CFLAR: variants seen among roughly 807,000 people sequenced by gnomAD.
CFLAR encodes CASP8 and FADD-like apoptosis regulator.
In CFLAR, 14 loss-of-function variants were observed where a neutral mutation model predicts 51.1. The observed-to-expected ratio is 0.27, with a 90% confidence interval of 0.18 to 0.43. CFLAR has a LOEUF of 0.43. Among genes scored for constraint, CFLAR ranks in the 20% least tolerant of loss-of-function variants. The pLI, the probability that CFLAR is intolerant of heterozygous loss-of-function variation, is 1.00. For missense variants in CFLAR, 390 were observed against 566.5 expected, an observed-to-expected ratio of 0.69 and a Z score of 3.16; for synonymous variants, 210 against 211.6, an observed-to-expected ratio of 0.99 and a Z score of 0.06.
chr2:201,139,086 T>A, intron 4 of CFLAR: 1 of 380,454 alleles, frequency 2.6e-6, no homozygotes, highest in Non-Finnish European at 5.1e-6. Flanking sequence ...TGTTCTGTAC[T>A]AAGAAAAATT....
rs577222894 is a variant in CFLAR, at chr2:201,122,276, T to A, written c.-138+5795T>A. On this transcript the variant is annotated intron_variant, in intron 1 of 9. Coordinates refer to ENST00000309955, the MANE Select transcript of CFLAR (RefSeq NM_003879.7). ...AAAATTTTGCATGGGGGCTTACCCA[T>A]CCTTTTAGAATCACATTGCAAGTCA... Among the ~76,000 whole-genome samples the A allele has an allele frequency of 3.9e-5, 6 of 152,348 alleles. No individual in the cohort carries two copies. The East Asian group carries it at 1.2e-3, about 29-fold the overall frequency.
At chr2:201,147,460 T>TG (rs746300782) in intron 6 of CFLAR, among the ~76,000 whole-genome samples, 5 of 143,206 alleles carry the variant, frequency 3.5e-5, no homozygotes, top group African/African-American at 1.3e-4. Flanking sequence ...ACCTGGGAGG[T>TG]GGAGGTTGCA....
At chr2:201,132,830 G>A (rs2049510428) in intron 2 of CFLAR, 199 bp from the exon 3 acceptor site, 1 of 440,036 alleles carries the variant, frequency 2.3e-6, no homozygotes, top group Non-Finnish European at 4.0e-6. Context: ...AAACGGGCAA[G>A]GACAAGTTCC....
At chr2:201,156,542 A>C (rs910277368) in intron 8 of CFLAR, among the ~76,000 whole-genome samples, 6 of 152,214 alleles carry the variant, frequency 3.9e-5, no homozygotes, top group African/African-American at 1.4e-4. Flanking sequence ...TGTCAAGATA[A>C]ATGTATCCTC....
intron 7 of CFLAR, chr2:201,149,483 ATTATCT>A (rs1940882675): frequency 3.2e-6 from 1 of 310,484 alleles, no homozygotes; most frequent in Admixed American, 4.7e-5. Context: ...TCTTTTTCAA[ATTATCT>A]TTATTCCACA....
chr2:201,119,051 T>TC, intron 1 of CFLAR: 1 of 152,368 alleles, frequency 6.6e-6, no homozygotes, highest in Middle Eastern at 3.4e-3. Flanking sequence ...TCCAGAGGAC[T>TC]CACAACACTC....
In CFLAR at chr2:201,160,823, TCAC is replaced by T. The variant is rs766435468; in HGVS notation, c.1187_1189del (p.His396del). 6.2e-7 allele frequency: 1 copy of T among 1,614,054 alleles called. No individual in the cohort carries two copies. Among genetic ancestry groups the T allele is most frequent in the East Asian group, 2.2e-5 (1 of 44,884 alleles). Reference sequence around the variant, plus strand: ...CTCAGAAGCGAGGGCTGTGCACAGTTCACCGAGAAGCTGACTTCTTCTGGAGCC... The same window carrying T: ...CTCAGAAGCGAGGGCTGTGCACAGTTCGAGAAGCTGACTTCTTCTGGAGCC... On this transcript the variant is annotated inframe_deletion, in exon 9 of 10. Coordinates refer to ENST00000309955, the MANE Select transcript of CFLAR (RefSeq NM_003879.7).
At chr2:201,136,499 A>T in intron 4 of CFLAR, 1 of 1,577,872 alleles carries the variant, frequency 6.3e-7, no homozygotes, top group Non-Finnish European at 8.6e-7. Context: ...CTTGGGTCTC[A>T]TACCTTCCTT....
At chr2:201,137,629 C>CA in intron 4 of CFLAR, 1 of 757,526 alleles carries the variant, frequency 1.3e-6, no homozygotes, top group Non-Finnish European at 2.4e-6. Flanking sequence ...GACCGAAGGA[C>CA]AGACAGGCTG....
At chr2:201,152,942 G>T (rs1156979012) in intron 8 of CFLAR, 1 of 152,288 alleles carries the variant, frequency 6.6e-6, no homozygotes, top group Non-Finnish European at 1.5e-5. Flanking sequence ...TCTGTTTCCT[G>T]CCCCATGGTT....
intron 6 of CFLAR, 60 bp downstream of exon 6, chr2:201,145,492 T>C (rs1939944488): frequency 2.7e-6 from 3 of 1,093,922 alleles, no homozygotes; most frequent in African/African-American, 1.6e-5. Flanking sequence ...CTAGTACAAA[T>C]ATTGCATTTT....
At chr2:201,119,560 T>G (rs1449748140) in intron 1 of CFLAR, among the ~76,000 whole-genome samples, 1 of 151,098 alleles carries the variant, frequency 6.6e-6, no homozygotes, top group African/African-American at 2.4e-5. Flanking sequence ...ACTATCATTA[T>G]TGGAATGCCC....
chr2:201,157,990 T>A (rs1219704127), intron 8 of CFLAR, among the ~76,000 whole-genome samples: 1 of 152,232 alleles, frequency 6.6e-6, no homozygotes, highest in Non-Finnish European at 1.5e-5. Context: ...CCTGCTATTC[T>A]TATTGGCACT....
At chr2:201,129,577 G>T in intron 1 of CFLAR, 152 bp from the exon 2 acceptor site, 2 of 421,236 alleles carry the variant, frequency 4.7e-6, no homozygotes, top group Non-Finnish European at 8.4e-6. Context: ...GTCTACCAAG[G>T]ATCCCTTTCT....
In CFLAR at chr2:201,130,101, T is replaced by C; in HGVS notation, c.236T>C (p.Val79Ala). 1.9e-6 allele frequency: 3 copies of C among 1,550,880 alleles called. No homozygotes were observed. The highest frequency in any genetic ancestry group is 2.2e-5 in the South Asian group (2 of 90,044). ...KRILKMDRKA[V>A]ETHLLRNPHL... The stretch of plus-strand genomic sequence containing the variant: ...ATCTTGAAGATGGACAGAAAAGCTG[T>C]GGAGACCCACCTGCTCAGGAACCCT... Residue 79 changes from valine to alanine, a missense_variant, in exon 2 of 10, where the codon GTG becomes GCG. By Grantham distance (64) the Val-to-Ala change is moderately conservative (BLOSUM62 0). Around this residue, in one of 2 missense-constraint regions of CFLAR, gnomAD observed 103 missense variants for 202.9 expected, o/e 0.51. Coordinates refer to ENST00000309955, the MANE Select transcript of CFLAR (RefSeq NM_003879.7).
rs1344484122 is a variant in CFLAR, at chr2:201,166,866, G to A, written c.*2893G>A. ...CAATGGCAGGCACGCGGCAGGCCGA[G>A]GCGGGAGAATCAGGCAGGGAGGCTG... is the stretch of plus-strand genomic sequence containing the variant. On this transcript the variant is annotated 3_prime_UTR_variant, in exon 10 of 10. Transcript: ENST00000309955. 1.9e-5 allele frequency: 3 copies of A among 155,530 alleles called. No homozygotes were observed. Among genetic ancestry groups the A allele is most frequent in the Non-Finnish European group, 4.2e-5 (3 of 70,738 alleles). 9.6% of individuals were successfully genotyped at this position (155,530 alleles called of 1,614,324 possible).
chr2:201,155,628 T>C (rs533529975), intron 8 of CFLAR, among the ~76,000 whole-genome samples: 1 of 152,138 alleles, frequency 6.6e-6, no homozygotes, highest in Admixed American at 6.5e-5. Flanking sequence ...TTCTGTACTT[T>C]CCTTTTCTTT....
intron 8 of CFLAR, among the ~76,000 whole-genome samples, chr2:201,155,818 T>A (rs993123126): frequency 6.6e-6 from 1 of 152,098 alleles, no homozygotes; most frequent in Non-Finnish European, 1.5e-5. Context: ...AGAGACAGGG[T>A]CTCACTATGT....
chr2:201,138,130 G>A lies in CFLAR; in HGVS notation c.523+2023G>A, dbSNP rs972570647. 10 of 787,528 alleles carry A rather than the reference G, an allele frequency of 1.3e-5. No individual in the cohort carries two copies. Among genetic ancestry groups the A allele is most frequent in the Admixed American group, 8.6e-5 (5 of 58,252 alleles). The allele number at this position is 787,528 out of a possible 1,614,324, so 48.8% of individuals were successfully genotyped here. ...CATCCACACCAGCGTCAATCAGGTT[G>A]TTGGCCTGGGCTGCTGTCACCACGT... On this transcript the variant is annotated intron_variant, in intron 4 of 9. Coordinates refer to ENST00000309955, the MANE Select transcript of CFLAR (RefSeq NM_003879.7). This position sits in a 1 kb window ranked among gnomAD's most constrained non-coding sequence, Gnocchi z 4.0.
Sources: gnomAD v4.1 joint callset for allele counts (sites outside exome capture counted in the v4.1 genomes callset) on GRCh38, gnomAD v4.1.1 for gene constraint, gnomAD v4.1.1 regional missense constraint, Gnocchi (gnomAD v3.1) non-coding constraint, MANE v1.5 for transcripts, NCBI Gene and HGNC (gene_info 2026-07-23, HGNC 2026-07-21) for gene names.